Variants in ANK3 observed in about 807,000 individuals in gnomAD.
ANK3 encodes ankyrin-3.
ANK3 carries 57 observed loss-of-function variants against 370.9 expected under a neutral mutation model. The observed-to-expected ratio is 0.15, with a 90% CI of 0.12 to 0.19. The LOEUF (loss-of-function observed/expected upper bound fraction) is 0.19, where lower values mean the gene tolerates loss of function less well. ANK3 is among the 10% of genes least tolerant of loss of function. ANK3 has a pLI of 1.00. For missense variants in ANK3, 4,439 were observed against 5,302.1 expected (o/e 0.84, Z 5.06); for synonymous variants, 1,929 against 1,946.3 (o/e 0.99, Z 0.23).
chr10:60,674,990 C>T (rs115086467), intron 1 of ANK3, among the ~76,000 whole-genome samples: 1 of 152,310 alleles, frequency 6.6e-6, no homozygotes, highest in African/African-American at 2.4e-5. Flanking sequence ...CTCAAAAGAA[C>T]TCATGCCATA....
intron 28 of ANK3, among the ~76,000 whole-genome samples, chr10:60,094,906 T>A (rs1271252770): frequency 6.6e-6 from 1 of 152,232 alleles, no homozygotes; most frequent in East Asian, 1.9e-4. Flanking sequence ...AACCTGTTTT[T>A]TCCCTGTTTC....
intron 2 of ANK3, among the ~76,000 whole-genome samples, chr10:60,495,886 C>T (rs1468896433): frequency 6.6e-6 from 1 of 151,982 alleles, no homozygotes; most frequent in Non-Finnish European, 1.5e-5. Context: ...CTTGTCTTTG[C>T]AAATCCCTAT....
intron 42 of ANK3, among the ~76,000 whole-genome samples, chr10:60,050,050 T>C (rs183751976): frequency 6.6e-6 from 1 of 152,262 alleles, no homozygotes; most frequent in East Asian, 1.9e-4. Flanking sequence ...TTTCTAGACC[T>C]TTCACTTTAA....
chr10:60,164,838 C>T (rs550231250), intron 23 of ANK3, among the ~76,000 whole-genome samples: 25 of 152,128 alleles, frequency 1.6e-4, no homozygotes, highest in Admixed American at 3.3e-4. Flanking sequence ...ACATTAAATT[C>T]GGCAATACCA....
intron 29 of ANK3, among the ~76,000 whole-genome samples, 185 bp downstream of exon 29, chr10:60,087,962 C>T (rs139377712): frequency 2.6e-5 from 4 of 152,158 alleles, no homozygotes; most frequent in African/African-American, 7.2e-5. Context: ...AAAATATGTA[C>T]CTTATTTAAC....
Position 60,083,079 on chromosome 10 carries a change from T to A in ANK3, c.4201-342A>T, listed in dbSNP as rs1352171259. On this transcript the variant is annotated intron_variant, in intron 33 of 43. Coordinates refer to ENST00000280772, the MANE Select transcript of ANK3 (RefSeq NM_020987.5). ...AGCAAATAATAATGACAAAACAATT[T>A]TCCTCTCTCCTTCTGTTCTTGGAGA... Among the ~76,000 whole-genome samples the A allele has an allele frequency of 2.6e-5, 4 of 152,170 alleles. No individual in the cohort carries two copies. The East Asian group carries it at 7.7e-4, about 29-fold the overall frequency.
Position 60,207,918 on chromosome 10 carries a change from A to G in ANK3, c.1194+118T>C, listed in dbSNP as rs189930388. On this transcript the variant is annotated intron_variant, in intron 10 of 43. Coordinates refer to ENST00000280772, the MANE Select transcript of ANK3 (RefSeq NM_020987.5). The stretch of plus-strand genomic sequence containing the variant: ...AAGGATATTTGAAAAAATTGACAAG[A>G]AGTACACTTTAACTAGCACCTTCTA... The G allele has an allele frequency of 2.3e-4, 209 of 902,902 alleles. 1 individual carries two copies. In the African/African-American group the frequency reaches 2.9e-3, roughly 13 times the overall value. The allele number at this position is 902,902 out of a possible 1,614,324, so 55.9% of individuals were successfully genotyped here.
intron 27 of ANK3, 68 bp from the exon 28 acceptor site, chr10:60,106,127 G>T: frequency 7.2e-7 from 1 of 1,396,110 alleles, no homozygotes; most frequent in Non-Finnish European, 9.6e-7. Flanking sequence ...CTTAAAAAAT[G>T]TTTCGTTAAC....
At chr10:60,623,888 G>A (rs958584080) in intron 1 of ANK3, among the ~76,000 whole-genome samples, 1 of 152,200 alleles carries the variant, frequency 6.6e-6, no homozygotes, top group Non-Finnish European at 1.5e-5. Flanking sequence ...TAGGGTGCCT[G>A]TGGCTACATG....
chr10:60,401,962 A>G (rs1239755771), intron 2 of ANK3, among the ~76,000 whole-genome samples: 1 of 152,236 alleles, frequency 6.6e-6, no homozygotes, highest in Non-Finnish European at 1.5e-5. Flanking sequence ...TATTTCTATC[A>G]TCCCATTCCC....
intron 1 of ANK3, among the ~76,000 whole-genome samples, chr10:60,336,901 G>A (rs555369759): frequency 1.4e-4 from 21 of 152,176 alleles, no homozygotes; most frequent in Middle Eastern, 3.4e-3. Flanking sequence ...TTCTCTTTGC[G>A]GTCCAGCAGA....
intron 2 of ANK3, among the ~76,000 whole-genome samples, chr10:60,481,683 C>G (rs1223590911): frequency 6.6e-6 from 1 of 152,118 alleles, no homozygotes; most frequent in East Asian, 1.9e-4. Context: ...AGGCTGGTCT[C>G]AAACTCCTGA....
chr10:60,439,937 A>C (rs1341149830), intron 2 of ANK3, among the ~76,000 whole-genome samples: 1 of 152,168 alleles, frequency 6.6e-6, no homozygotes, highest in Non-Finnish European at 1.5e-5. Flanking sequence ...AGCACATTTC[A>C]CTTCATGGAA....
intron 1 of ANK3, among the ~76,000 whole-genome samples, chr10:60,355,468 T>G (rs1387889454): frequency 6.6e-6 from 1 of 152,192 alleles, no homozygotes; most frequent in Non-Finnish European, 1.5e-5. Context: ...TCATTGCCCA[T>G]GACCTTGTTG....
intron 7 of ANK3, among the ~76,000 whole-genome samples, chr10:60,255,974 T>C (rs867658518): frequency 2.6e-5 from 4 of 152,026 alleles, no homozygotes; most frequent in Non-Finnish European, 5.9e-5. Context: ...GGAAATGAGA[T>C]AGACTCTGCA....
At chr10:60,441,739 T>C (rs965701853) in intron 2 of ANK3, among the ~76,000 whole-genome samples, 6 of 152,218 alleles carry the variant, frequency 3.9e-5, no homozygotes, top group African/African-American at 1.2e-4. Flanking sequence ...TACAAGTACA[T>C]AAATTTCAGC....
chr10:60,410,879 G>A (rs1594973989), intron 2 of ANK3, among the ~76,000 whole-genome samples: 1 of 151,638 alleles, frequency 6.6e-6, no homozygotes, highest in East Asian at 1.9e-4. Flanking sequence ...CCTATGTGTT[G>A]CTCATGCTGG....
chr10:60,554,726 GCAA>G (rs1296635133), intron 2 of ANK3, among the ~76,000 whole-genome samples: 1 of 152,008 alleles, frequency 6.6e-6, no homozygotes, highest in African/African-American at 2.4e-5. Flanking sequence ...CAATACTTTT[GCAA>G]CAACCTAAAA....
intron 2 of ANK3, among the ~76,000 whole-genome samples, chr10:60,404,222 TAA>T (rs1471738653): frequency 2.0e-5 from 3 of 152,004 alleles, no homozygotes; most frequent in Non-Finnish European, 4.4e-5. Flanking sequence ...AGTTTTTTTT[TAA>T]AAAAATAGAC....
Sources: gnomAD v4.1 joint callset for allele counts (sites outside exome capture counted in the v4.1 genomes callset) on GRCh38, gnomAD v4.1.1 for gene constraint, MANE v1.5 for transcripts, NCBI Gene and HGNC (gene_info 2026-07-23, HGNC 2026-07-21) for gene names.